The following WDFY3 variants were observed in gnomAD, a reference collection of about 807,000 sequenced individuals.
WDFY3 encodes the protein WD repeat and FYVE domain containing 3, also known as WD repeat and FYVE domain-containing protein 3.
WDFY3 carries 66 observed loss-of-function variants against 409.6 expected under a neutral mutation model. The observed-to-expected ratio is 0.16, with a 90% CI of 0.13 to 0.20. WDFY3 has a LOEUF of 0.20. Ranked by LOEUF, WDFY3 falls within the 10% of genes least tolerant of loss-of-function variation. The probability of loss-of-function intolerance (pLI) is 1.00; values close to 1 mark genes in which losing one functional copy is unlikely to be tolerated. For missense variants in WDFY3, 3,031 were observed against 4,298.1 expected (o/e 0.71, Z 8.24); for synonymous variants, 1,521 against 1,537.1 (o/e 0.99, Z 0.25).
intron 30 of WDFY3, among the ~76,000 whole-genome samples, chr4:84,769,920 CA>C (rs1275077186): frequency 3.3e-5 from 5 of 152,126 alleles, no homozygotes; most frequent in African/African-American, 1.2e-4. Flanking sequence ...GGTCAATCAG[CA>C]GCCAACAATA....
At chr4:84,810,933 A>ATAT (rs1752385680) in intron 13 of WDFY3, among the ~76,000 whole-genome samples, 2 of 17,346 alleles carry the variant, frequency 1.2e-4, no homozygotes, top group Non-Finnish European at 5.9e-3. Flanking sequence ...AAAAAAGAAA[A>ATAT]CAAGTAAATA....
In WDFY3 at chr4:84,722,238, A is replaced by T. The variant is rs183760475; in HGVS notation, c.7442-666T>A. Reference sequence around the variant, plus strand: ...CCCCGTCTCTACTAAAAATACAAAAATTAGCTGGGTGTGGTGGTGCATGCC... The same window carrying T: ...CCCCGTCTCTACTAAAAATACAAAATTTAGCTGGGTGTGGTGGTGCATGCC... On this transcript the variant is annotated intron_variant, in intron 46 of 67. Coordinates refer to ENST00000295888, the MANE Select transcript of WDFY3 (RefSeq NM_014991.6). 9.7e-4 allele frequency among the ~76,000 whole-genome samples: 148 copies of T among 152,188 alleles called. 3 individuals are homozygous for T. The East Asian group carries it at 0.023, about 23-fold the overall frequency.
At chr4:84,947,551 A>AATAATAAAAAT (rs1396555279) in intron 1 of WDFY3, among the ~76,000 whole-genome samples, 1 of 146,704 alleles carries the variant, frequency 6.8e-6, no homozygotes, top group East Asian at 2.0e-4. Flanking sequence ...TAAAAATAAT[A>AATAATAAAAAT]AATAAATAAA....
chr4:84,801,292 C>T (rs1304637884), intron 17 of WDFY3, among the ~76,000 whole-genome samples: 1 of 152,152 alleles, frequency 6.6e-6, no homozygotes, highest in East Asian at 1.9e-4. Context: ...ATATTCACAA[C>T]TTATGGTGAA....
rs536566200 is a variant in WDFY3 at position 84,917,000 on chromosome 4, TGAAAC to T, written c.-132+15265_-132+15269del. Reference sequence around the variant, plus strand: ...TATATATCACACAAAAACATATACATGAAACGAAGTATATATCTATGAACAGATAC... The same window carrying T: ...TATATATCACACAAAAACATATACATGAAGTATATATCTATGAACAGATAC... On this transcript the variant is annotated intron_variant, in intron 2 of 67. Transcript: ENST00000295888. Among the ~76,000 whole-genome samples the T allele has an allele frequency of 1.8e-4, 28 of 152,192 alleles. 2 individuals are homozygous for T. In the South Asian group the frequency reaches 5.6e-3, roughly 30 times the overall value.
chr4:84,781,917 A>G (rs1476314170), intron 25 of WDFY3, among the ~76,000 whole-genome samples: 2 of 152,208 alleles, frequency 1.3e-5, no homozygotes, highest in African/African-American at 4.8e-5. Flanking sequence ...AAAATTGCCA[A>G]TGACTAATAA....
intron 30 of WDFY3, among the ~76,000 whole-genome samples, chr4:84,767,885 A>C (rs1034225341): frequency 1.3e-5 from 2 of 152,048 alleles, no homozygotes; most frequent in Non-Finnish European, 2.9e-5. Flanking sequence ...GGAGTTTGAG[A>C]CCAACCTGGG....
chr4:84,855,797 AATG>A (rs1331719639), intron 4 of WDFY3, among the ~76,000 whole-genome samples: 1 of 152,248 alleles, frequency 6.6e-6, no homozygotes, highest in Non-Finnish European at 1.5e-5. Context: ...AATTAATATA[AATG>A]ATTAGGGAAA....
At chr4:84,760,789 T>C (rs1742432021) in intron 32 of WDFY3, among the ~76,000 whole-genome samples, 1 of 147,166 alleles carries the variant, frequency 6.8e-6, no homozygotes, top group Non-Finnish European at 1.5e-5. Context: ...GAAGGGTTTT[T>C]TGTGTCTCTA....
intron 3 of WDFY3, among the ~76,000 whole-genome samples, chr4:84,873,491 T>C (rs1762385707): frequency 1.3e-5 from 2 of 152,172 alleles, no homozygotes; most frequent in South Asian, 2.1e-4. Context: ...AAGCTGTTCT[T>C]TGAGGAAAAA....
intron 32 of WDFY3, among the ~76,000 whole-genome samples, chr4:84,762,211 C>T (rs985985522): frequency 1.9e-4 from 29 of 151,296 alleles, no homozygotes; most frequent in Non-Finnish European, 3.5e-4. Flanking sequence ...TTGGAACCAA[C>T]CCAAATGTCC....
chr4:84,754,992 A>G (rs2149318938), intron 34 of WDFY3, among the ~76,000 whole-genome samples: 1 of 152,296 alleles, frequency 6.6e-6, no homozygotes, highest in Non-Finnish European at 1.5e-5. Flanking sequence ...TCGGCATTTT[A>G]AACACCAGGA....
intron 2 of WDFY3, among the ~76,000 whole-genome samples, chr4:84,898,970 T>C (rs561019953): frequency 6.6e-6 from 1 of 152,330 alleles, no homozygotes; most frequent in African/African-American, 2.4e-5. Context: ...GGGTTTAGCT[T>C]CCATACTGAA....
chr4:84,729,040 C>A (rs918323752), intron 44 of WDFY3, among the ~76,000 whole-genome samples: 1 of 151,988 alleles, frequency 6.6e-6, no homozygotes, highest in Non-Finnish European at 1.5e-5. Flanking sequence ...GAGGCAGCCA[C>A]AAGAAACTCT....
intron 30 of WDFY3, among the ~76,000 whole-genome samples, chr4:84,770,868 C>T: frequency 6.6e-6 from 1 of 151,746 alleles, no homozygotes; most frequent in East Asian, 1.9e-4. Context: ...ACATTATACT[C>T]AATAAAGTCT....
chr4:84,736,379 G>A, intron 41 of WDFY3, 52 bp from the exon 42 acceptor site: 1 of 1,490,770 alleles, frequency 6.7e-7, no homozygotes, highest in South Asian at 1.4e-5. Context: ...GTATTTATGA[G>A]TCTTACTTTA....
chr4:84,861,387 A>G (rs970200265), intron 3 of WDFY3, among the ~76,000 whole-genome samples: 1 of 152,172 alleles, frequency 6.6e-6, no homozygotes, highest in African/African-American at 2.4e-5. Flanking sequence ...TTAATTTATA[A>G]TTACTTAATT....
At chr4:84,861,091 G>A (rs1760558472) in intron 3 of WDFY3, among the ~76,000 whole-genome samples, 1 of 152,072 alleles carries the variant, frequency 6.6e-6, no homozygotes, top group Non-Finnish European at 1.5e-5. Context: ...TGCGCGTATA[G>A]TCCCAAGTAC....
chr4:84,694,216 A>G (rs948213598), intron 58 of WDFY3, among the ~76,000 whole-genome samples: 2 of 152,228 alleles, frequency 1.3e-5, no homozygotes, highest in Admixed American at 6.5e-5. Flanking sequence ...AAAGATACAT[A>G]GTTTTAAAGC....
Sources: allele counts gnomAD v4.1 joint callset (sites outside exome capture counted in the v4.1 genomes callset), GRCh38; gene constraint gnomAD v4.1.1; transcripts MANE v1.5; gene names NCBI Gene and HGNC (gene_info 2026-07-23, HGNC 2026-07-21).